Variants in RBBP8 observed in about 807,000 individuals in gnomAD.
RBBP8 encodes DNA endonuclease RBBP8.
In RBBP8, 88 loss-of-function variants were observed where a neutral mutation model predicts 108.3. The observed-to-expected ratio is 0.81, with a 90% CI of 0.68 to 0.97. RBBP8 has a LOEUF of 0.97. Among genes scored for constraint, RBBP8 ranks in the 50% least tolerant of loss-of-function variants. The pLI is 0.00. For missense variants in RBBP8, 1,023 were observed against 1,049.0 expected, an observed-to-expected ratio of 0.98 and a Z score of 0.34; for synonymous variants, 332 against 348.2, an observed-to-expected ratio of 0.95 and a Z score of 0.52.
At chr18:22,965,389 C>T (rs756162913) in intron 4 of RBBP8, among the ~76,000 whole-genome samples, 6 of 152,050 alleles carry the variant, frequency 3.9e-5, no homozygotes, top group Admixed American at 1.3e-4. Context: ...TCTGTTTCCT[C>T]GAAGATGCCC....
intron 10 of RBBP8, 68 bp downstream of exon 10, chr18:22,991,117 T>G: frequency 4.5e-6 from 5 of 1,111,356 alleles, no homozygotes; most frequent in Non-Finnish European, 6.7e-6. Flanking sequence ...GAATTTCATA[T>G]AATTAAGCCA....
chr18:22,996,503 T>G, intron 13 of RBBP8, 41 bp downstream of exon 13: 1 of 1,605,218 alleles, frequency 6.2e-7, no homozygotes, highest in Non-Finnish European at 8.5e-7. Flanking sequence ...TGACTTTTAT[T>G]CCAATGAGTT....
At chr18:23,023,548 A>G (rs1033142594) in intron 18 of RBBP8, among the ~76,000 whole-genome samples, 2 of 152,182 alleles carry the variant, frequency 1.3e-5, no homozygotes, top group African/African-American at 2.4e-5. Context: ...TATATTTTCT[A>G]CCAAAATTAA....
chr18:23,001,031 C>A (rs1487876630), intron 14 of RBBP8, among the ~76,000 whole-genome samples: 2 of 152,194 alleles, frequency 1.3e-5, no homozygotes, highest in Non-Finnish European at 2.9e-5. Flanking sequence ...TCACTACATG[C>A]ATTACATCTG....
At chr18:22,916,137 T>C (rs980568032) in intron 2 of RBBP8, among the ~76,000 whole-genome samples, 2 of 152,142 alleles carry the variant, frequency 1.3e-5, no homozygotes, top group African/African-American at 4.8e-5. Context: ...AGTCAAAAAG[T>C]ATTCCACTCA....
At chr18:22,954,817 G>A (rs1912368592) in intron 4 of RBBP8, among the ~76,000 whole-genome samples, 1 of 152,126 alleles carries the variant, frequency 6.6e-6, no homozygotes, top group Non-Finnish European at 1.5e-5. Context: ...CATGATGGCA[G>A]GAGGAAGTGC....
At chr18:22,935,434 A>G (rs115106363) in intron 1 of RBBP8, among the ~76,000 whole-genome samples, 2,192 of 151,922 alleles carry the variant, frequency 0.014, 48 homozygotes, top group African/African-American at 0.05. Flanking sequence ...AAGAAAATTA[A>G]TAATTTCCTA....
chr18:22,926,769 G>A (rs773015806), intron 3 of RBBP8, among the ~76,000 whole-genome samples: 3 of 152,144 alleles, frequency 2.0e-5, no homozygotes, highest in Non-Finnish European at 2.9e-5. Context: ...CAGGCTACAC[G>A]AGACTAATCT....
At chr18:22,918,243 G>T in intron 3 of RBBP8, among the ~76,000 whole-genome samples, 1 of 152,174 alleles carries the variant, frequency 6.6e-6, no homozygotes, top group South Asian at 2.1e-4. Flanking sequence ...ATGCATTCAT[G>T]CATCAAGTAA....
chr18:22,928,201 CAAA>C (rs369797539), intron 3 of RBBP8, among the ~76,000 whole-genome samples: 4 of 110,196 alleles, frequency 3.6e-5, no homozygotes, highest in African/African-American at 3.3e-5. Flanking sequence ...ACTTTGTCTC[CAAA>C]AAAAAAAAAA....
chr18:23,022,663 T>TAAAAAAATAA (rs368137173), intron 18 of RBBP8, among the ~76,000 whole-genome samples: 1 of 99,744 alleles, frequency 1.0e-5, no homozygotes, highest in East Asian at 2.6e-4. Flanking sequence ...TAAAATAAAA[T>TAAAAAAATAA]AAAATAAATA....
chr18:22,952,756 C>A (rs1451352655), intron 4 of RBBP8, among the ~76,000 whole-genome samples: 3 of 152,168 alleles, frequency 2.0e-5, no homozygotes, highest in Non-Finnish European at 4.4e-5. Flanking sequence ...CTTCTGTTTT[C>A]TCTGGATATG....
At chr18:22,971,454 GACT>G (rs886269195) in intron 5 of RBBP8, among the ~76,000 whole-genome samples, 17 of 152,122 alleles carry the variant, frequency 1.1e-4, no homozygotes, top group African/African-American at 4.1e-4. Flanking sequence ...CATAAGGGAA[GACT>G]AGACTATATT....
At position 22,993,325 on chromosome 18, in the gene RBBP8, A is replaced by G. The variant is rs754906649; in HGVS notation, c.1498A>G (p.Ile500Val). Reference protein sequence around the residue: ...PLDLSDRFSAIQRQEKSQGSE... With the variant: ...PLDLSDRFSAVQRQEKSQGSE... ...GGATCTGTCTGATCGATTTTCAGCTATTCAGCGTCAAGAGAAAAGCCAAGG... is the reference window on the plus strand; with the variant it reads ...GGATCTGTCTGATCGATTTTCAGCTGTTCAGCGTCAAGAGAAAAGCCAAGG... Residue 500 changes from isoleucine to valine, a missense_variant, in exon 11 of 19, where the codon ATT becomes GTT. Transcript: ENST00000327155. 1.9e-6 allele frequency: 3 copies of G among 1,614,106 alleles called. No individual in the cohort carries two copies. The highest frequency in any genetic ancestry group is 1.3e-5 in the African/African-American group (1 of 74,944).
At chr18:23,024,380 A>T (rs1194572347) in intron 18 of RBBP8, among the ~76,000 whole-genome samples, 1 of 152,228 alleles carries the variant, frequency 6.6e-6, no homozygotes, top group Non-Finnish European at 1.5e-5. Flanking sequence ...TCATCCTAAA[A>T]CATGAGCTAA....
chr18:22,983,368 A>G (rs1052550883), intron 7 of RBBP8, among the ~76,000 whole-genome samples: 3 of 152,228 alleles, frequency 2.0e-5, no homozygotes, highest in Non-Finnish European at 4.4e-5. Context: ...GAACATTGAC[A>G]GTTTTCCCCC....
chr18:23,009,854 T>A (rs928866607), intron 16 of RBBP8, among the ~76,000 whole-genome samples: 5 of 152,150 alleles, frequency 3.3e-5, no homozygotes, highest in Non-Finnish European at 7.4e-5. Context: ...CTCCACCTCC[T>A]GGGTTCAAGC....
intron 3 of RBBP8, 108 bp downstream of exon 3, chr18:22,946,594 T>C: frequency 6.7e-7 from 1 of 1,484,178 alleles, no homozygotes; most frequent in Non-Finnish European, 9.1e-7. Context: ...TTGACCTTAA[T>C]GTCTTATTTA....
chr18:23,000,171 A>C (rs541864100), intron 14 of RBBP8, among the ~76,000 whole-genome samples: 2 of 152,350 alleles, frequency 1.3e-5, no homozygotes, highest in South Asian at 4.1e-4. Context: ...AAGGTAAAGC[A>C]AGGTAAGAGT....
Sources: gnomAD v4.1 joint callset for allele counts (sites outside exome capture counted in the v4.1 genomes callset) on GRCh38, gnomAD v4.1.1 for gene constraint, MANE v1.5 for transcripts, NCBI Gene and HGNC (gene_info 2026-07-23, HGNC 2026-07-21) for gene names.